LSM6: variants seen among roughly 807,000 people sequenced by gnomAD.
LSM6 encodes LSM6 homolog, U6 small nuclear RNA and mRNA degradation associated, also known as U6 snRNA-associated Sm-like protein LSm6.
A neutral mutation model predicts 13.5 loss-of-function variants in LSM6; 2 were observed. That is an observed-to-expected ratio of 0.15 (90% CI 0.06 to 0.47). The LOEUF (loss-of-function observed/expected upper bound fraction) is 0.47, where lower values mean the gene tolerates loss of function less well. Ranked by LOEUF, LSM6 falls within the 20% of genes least tolerant of loss-of-function variation. The probability of loss-of-function intolerance (pLI) is 0.97; values close to 1 mark genes in which losing one functional copy is unlikely to be tolerated. For missense variants in LSM6, 58 were observed against 96.4 expected (o/e 0.60, Z 1.67); for synonymous variants, 43 against 34.9 (o/e 1.23, Z -0.82).
At chr4:146,181,278 G>A (rs1236069488) in intron 1 of LSM6, 2 of 152,188 alleles carry the variant, frequency 1.3e-5, no homozygotes, top group Admixed American at 6.5e-5. Context: ...GACTTAGGAT[G>A]TTGACTTTTC....
Position 146,189,678 on chromosome 4 carries a change from T to G in LSM6, c.*22T>G, listed in dbSNP as rs751465592. 4 of 1,580,378 alleles carry G rather than the reference T, an allele frequency of 2.5e-6. No individual in the cohort carries two copies. The highest frequency in any genetic ancestry group is 2.7e-5 in the African/African-American group (2 of 73,646). On this transcript the variant is annotated 3_prime_UTR_variant, in exon 4 of 4. Transcript: ENST00000296581. ...GTGAAGACACCAAGAGAGCAACGCT[T>G]TTCATAGTTGGATATATTTTTTTAT...
At chr4:146,184,937 A>AT (rs930800253) in intron 2 of LSM6, among the ~76,000 whole-genome samples, 16 of 150,748 alleles carry the variant, frequency 1.1e-4, no homozygotes, top group East Asian at 7.8e-4. Flanking sequence ...ATGCAACCTG[A>AT]TTTTTTTTTT....
chr4:146,183,098 A>C, intron 2 of LSM6, 83 bp downstream of exon 2: 1 of 996,250 alleles, frequency 1.0e-6, no homozygotes, highest in Non-Finnish European at 1.6e-6. Context: ...TCTTAAGTAT[A>C]CCCAATAGGC....
chr4:146,178,822 TG>T (rs1211077954), intron 1 of LSM6, among the ~76,000 whole-genome samples: 1 of 152,222 alleles, frequency 6.6e-6, no homozygotes, highest in Non-Finnish European at 1.5e-5. Flanking sequence ...CCGCCTCTAT[TG>T]CGATTCCCCA....
chr4:146,185,205 C>T (rs1438371474), intron 2 of LSM6, among the ~76,000 whole-genome samples: 1 of 152,194 alleles, frequency 6.6e-6, no homozygotes, highest in Non-Finnish European at 1.5e-5. Context: ...TTCCATGGCC[C>T]TGCATCAGGG....
chr4:146,183,411 A>AC (rs1253727698), intron 2 of LSM6: 1 of 187,774 alleles, frequency 5.3e-6, no homozygotes, highest in African/African-American at 2.3e-5. Flanking sequence ...TCATTTTACA[A>AC]CCTGAATGTC....
chr4:146,188,957 A>T (rs1730406937), intron 3 of LSM6, among the ~76,000 whole-genome samples: 1 of 148,270 alleles, frequency 6.7e-6, no homozygotes, highest in Non-Finnish European at 1.5e-5. Flanking sequence ...GCCTGGTTAG[A>T]TTTACTGATT....
At chr4:146,187,521 G>T (rs989223580) in intron 3 of LSM6, 134 bp downstream of exon 3, 4 of 575,642 alleles carry the variant, frequency 6.9e-6, no homozygotes, top group Non-Finnish European at 1.2e-5. Flanking sequence ...TTATATGTCA[G>T]ATCTTCAGTT....
intron 2 of LSM6, chr4:146,183,591 T>G (rs1339174576): frequency 2.0e-5 from 3 of 152,722 alleles, no homozygotes; most frequent in Admixed American, 6.5e-5. Context: ...GTTACTGAAT[T>G]TCTTATCTTC....
At chr4:146,178,238 A>G (rs1240335904) in intron 1 of LSM6, among the ~76,000 whole-genome samples, 1 of 152,152 alleles carries the variant, frequency 6.6e-6, no homozygotes, top group Non-Finnish European at 1.5e-5. Context: ...TGAGTAAGAT[A>G]TTTTCCCTGT....
chr4:146,189,547 C>T (rs774664980), intron 3 of LSM6, 75 bp from the exon 4 acceptor site: 15 of 910,816 alleles, frequency 1.6e-5, no homozygotes, highest in Non-Finnish European at 2.6e-5. Flanking sequence ...AATCTGTTGG[C>T]TTTTAAACTT....
chr4:146,183,870 CTTTTTTT>C (rs1206702736), intron 2 of LSM6, among the ~76,000 whole-genome samples: 3 of 117,498 alleles, frequency 2.6e-5, no homozygotes, highest in South Asian at 5.6e-4. Context: ...GGGTAATTTT[CTTTTTTT>C]TTTTTTTTTT....
intron 1 of LSM6, among the ~76,000 whole-genome samples, chr4:146,181,683 A>G (rs1000710351): frequency 9.9e-5 from 15 of 152,228 alleles, no homozygotes; most frequent in Admixed American, 8.5e-4. Context: ...CTTGAAGGGA[A>G]TCCTTAAAAT....
chr4:146,175,886 C>T (rs1185032262), intron 1 of LSM6, 75 bp downstream of exon 1: 1 of 152,364 alleles, frequency 6.6e-6, no homozygotes, highest in Non-Finnish European at 1.5e-5. Flanking sequence ...TGTTCAGTCG[C>T]GCTGTGGAGC....
At chr4:146,180,309 TC>T (rs1730204747) in intron 1 of LSM6, among the ~76,000 whole-genome samples, 1 of 152,210 alleles carries the variant, frequency 6.6e-6, no homozygotes, top group Admixed American at 6.5e-5. Context: ...TGTGTTACAT[TC>T]CCCAACCCTG....
chr4:146,183,208 T>A, intron 2 of LSM6, 193 bp downstream of exon 2: 1 of 460,688 alleles, frequency 2.2e-6, no homozygotes, highest in Middle Eastern at 6.1e-4. Flanking sequence ...TAGCATGTGC[T>A]TCTGCCTTTC....
At chr4:146,187,714 G>T (rs561932874) in intron 3 of LSM6, among the ~76,000 whole-genome samples, 1 of 152,174 alleles carries the variant, frequency 6.6e-6, no homozygotes, top group Non-Finnish European at 1.5e-5. Context: ...AGTTGGAGAT[G>T]TAAGAATGGG....
At chr4:146,177,027 GGT>G (rs35898655) in intron 1 of LSM6, among the ~76,000 whole-genome samples, 4,110 of 149,980 alleles carry the variant, frequency 0.027, 169 homozygotes, top group African/African-American at 0.093. Flanking sequence ...TTGTGTTTGT[GGT>G]GTGTGTGTGT....
intron 2 of LSM6, among the ~76,000 whole-genome samples, chr4:146,184,866 A>T (rs1730311047): frequency 6.6e-6 from 1 of 152,230 alleles, no homozygotes; most frequent in South Asian, 2.1e-4. Flanking sequence ...TACTATCCAG[A>T]GACAGTTTAC....
Sources: gnomAD v4.1 joint callset for allele counts (sites outside exome capture counted in the v4.1 genomes callset) on GRCh38, gnomAD v4.1.1 for gene constraint, MANE v1.5 for transcripts, NCBI Gene and HGNC (gene_info 2026-07-23, HGNC 2026-07-21) for gene names.